PPARG: variants seen among roughly 807,000 people sequenced by gnomAD.
PPARG encodes the protein peroxisome proliferator-activated receptor gamma.
In PPARG, 17 loss-of-function variants were observed where a neutral mutation model predicts 39.2. The ratio of observed to expected loss-of-function variants is 0.43; its 90% CI spans 0.30 to 0.65. The LOEUF is 0.65. PPARG is among the 30% of genes least tolerant of loss of function. The pLI is 0.13. For missense variants in PPARG, 406 were observed against 585.9 expected, an observed-to-expected ratio of 0.69 and a Z score of 3.17; for synonymous variants, 223 against 215.7, an observed-to-expected ratio of 1.03 and a Z score of -0.30.
chr3:12,322,788 G>A (rs1362514090), intron 2 of PPARG, among the ~76,000 whole-genome samples: 1 of 151,940 alleles, frequency 6.6e-6, no homozygotes, highest in Non-Finnish European at 1.5e-5. Context: ...ACAGAGTTGG[G>A]TTTTTTTGTT....
intron 5 of PPARG, among the ~76,000 whole-genome samples, chr3:12,394,423 C>T (rs2050186485): frequency 6.6e-6 from 1 of 152,080 alleles, no homozygotes; most frequent in South Asian, 2.1e-4. Context: ...ATTATTTAAA[C>T]CCCAACCTAT....
chr3:12,349,243 G>T (rs1559502607), intron 2 of PPARG, among the ~76,000 whole-genome samples: 1 of 152,146 alleles, frequency 6.6e-6, no homozygotes, highest in African/African-American at 2.4e-5. Context: ...ATGATGGGAT[G>T]AATAAATGTG....
At chr3:12,409,213 A>G (rs999623855) in intron 6 of PPARG, among the ~76,000 whole-genome samples, 5 of 152,244 alleles carry the variant, frequency 3.3e-5, no homozygotes, top group African/African-American at 7.2e-5. Context: ...CTCTAGCCCA[A>G]TATTTGCTTA....
rs942426583 is a variant in PPARG, at chr3:12,410,417, CAA to C, written c.729+4340_729+4341del. ...GTTGATGAAAATAAACAGTGGTTTT[CAA>C]AAACCATTTTCAGTGCCATGGTTTG... On this transcript the variant is annotated intron_variant, in intron 6 of 7. Coordinates refer to ENST00000651735, the MANE Select transcript of PPARG (RefSeq NM_138711.6). Among the ~76,000 whole-genome samples, 5 of 152,144 alleles carry C rather than the reference CAA, an allele frequency of 3.3e-5. No individual in the cohort carries two copies. In the South Asian group the frequency reaches 6.2e-4, roughly 19 times the overall value.
In PPARG at chr3:12,345,833, C is replaced by T. The variant is rs529666365; in HGVS notation, c.-9+33380C>T. Among the ~76,000 whole-genome samples the T allele has an allele frequency of 5.3e-4, 80 of 152,238 alleles. No individual in the cohort carries two copies. In the Middle Eastern group the frequency reaches 0.01, roughly 19 times the overall value. ...TTTGTGAATTCCCACTGTGCTTCAC[C>T]AGTGACAGGATGTGCTACCCAATAA... On this transcript the variant is annotated intron_variant, in intron 2 of 7. Coordinates refer to ENST00000651735, the MANE Select transcript of PPARG (RefSeq NM_138711.6).
At chr3:12,392,503 T>G in intron 4 of PPARG, 111 bp from the exon 5 acceptor site, 1 of 1,216,694 alleles carries the variant, frequency 8.2e-7, no homozygotes, top group South Asian at 1.2e-5. Flanking sequence ...GACAGAATCG[T>G]GTCAAGAACC....
intron 2 of PPARG, among the ~76,000 whole-genome samples, chr3:12,361,343 CAG>C (rs1367642793): frequency 1.3e-5 from 2 of 152,110 alleles, no homozygotes; most frequent in Non-Finnish European, 2.9e-5. Context: ...ACTTAATAAA[CAG>C]ATATTTCTAA....
At chr3:12,411,119 G>C (rs953006077) in intron 6 of PPARG, among the ~76,000 whole-genome samples, 2 of 152,102 alleles carry the variant, frequency 1.3e-5, no homozygotes, top group African/African-American at 4.8e-5. Context: ...AGCTAAAGAT[G>C]TAAAAGATCT....
chr3:12,364,470 G>A (rs1575061789), intron 2 of PPARG, among the ~76,000 whole-genome samples: 1 of 152,192 alleles, frequency 6.6e-6, no homozygotes, highest in African/African-American at 2.4e-5. Context: ...GGGTGTCTTG[G>A]TGCTTCCAAG....
At chr3:12,361,289 A>G (rs1373553309) in intron 2 of PPARG, among the ~76,000 whole-genome samples, 1 of 152,206 alleles carries the variant, frequency 6.6e-6, no homozygotes, top group Non-Finnish European at 1.5e-5. Flanking sequence ...TGTCAGATAC[A>G]TGTATTGTAA....
At chr3:12,342,239 C>A (rs1412479222) in intron 2 of PPARG, among the ~76,000 whole-genome samples, 1 of 152,130 alleles carries the variant, frequency 6.6e-6, no homozygotes, top group Non-Finnish European at 1.5e-5. Flanking sequence ...AATGATACAA[C>A]AAGAAAACAA....
At chr3:12,417,261 C>A in intron 7 of PPARG, 107 bp downstream of exon 7, 1 of 1,112,486 alleles carries the variant, frequency 9.0e-7, no homozygotes, top group Non-Finnish European at 1.3e-6. Context: ...ACTTTAAGTG[C>A]CAGTGGCATG....
At chr3:12,344,465 A>C (rs2048273375) in intron 2 of PPARG, among the ~76,000 whole-genome samples, 1 of 152,154 alleles carries the variant, frequency 6.6e-6, no homozygotes, top group South Asian at 2.1e-4. Flanking sequence ...AACATAAAAT[A>C]TACTCTGTGT....
At chr3:12,424,708 C>T (rs1001488396) in intron 7 of PPARG, among the ~76,000 whole-genome samples, 1 of 152,114 alleles carries the variant, frequency 6.6e-6, no homozygotes, top group Admixed American at 6.5e-5. Flanking sequence ...TCGGAGGGCT[C>T]ACCAGCGTCA....
At chr3:12,350,696 G>C (rs557108949) in intron 2 of PPARG, among the ~76,000 whole-genome samples, 4 of 152,268 alleles carry the variant, frequency 2.6e-5, no homozygotes, top group South Asian at 4.1e-4. Context: ...ACCTAACAGC[G>C]TAAGTCTATT....
intron 2 of PPARG, among the ~76,000 whole-genome samples, chr3:12,343,238 C>T (rs1219669390): frequency 6.6e-6 from 1 of 152,202 alleles, no homozygotes; most frequent in Non-Finnish European, 1.5e-5. Flanking sequence ...TCTCACTCTT[C>T]TCTCTTGGTT....
intron 1 of PPARG, among the ~76,000 whole-genome samples, chr3:12,310,040 A>G (rs1005920205): frequency 3.9e-5 from 6 of 152,162 alleles, no homozygotes; most frequent in Non-Finnish European, 8.8e-5. Context: ...TACTCCCCCC[A>G]GAATGGATCT....
chr3:12,412,317 C>A (rs1165623279), intron 6 of PPARG, among the ~76,000 whole-genome samples: 1 of 151,988 alleles, frequency 6.6e-6, no homozygotes, highest in East Asian at 1.9e-4. Flanking sequence ...ATCATTAATC[C>A]CATTTCCCCC....
chr3:12,369,578 T>C (rs2049136593), intron 2 of PPARG, among the ~76,000 whole-genome samples: 1 of 152,152 alleles, frequency 6.6e-6, no homozygotes, highest in South Asian at 2.1e-4. Context: ...GAGATAATAA[T>C]TTAGTCCTTT....
Sources: allele counts gnomAD v4.1 joint callset (sites outside exome capture counted in the v4.1 genomes callset), GRCh38; gene constraint gnomAD v4.1.1; transcripts MANE v1.5; gene names NCBI Gene and HGNC (gene_info 2026-07-23, HGNC 2026-07-21).